ADGRG2: variants seen among roughly 807,000 people sequenced by gnomAD.
ADGRG2 encodes G protein-coupled receptor 64.
A neutral mutation model predicts 74.1 loss-of-function variants in ADGRG2; 26 were observed. The ratio of observed to expected loss-of-function variants is 0.35; its 90% CI spans 0.26 to 0.49. The LOEUF (loss-of-function observed/expected upper bound fraction) is 0.49. ADGRG2 is among the 20% of genes least tolerant of loss of function. The pLI is 0.99. For missense variants in ADGRG2, 619 were observed against 763.1 expected (o/e 0.81, Z 2.22); for synonymous variants, 296 against 295.2 (o/e 1.00, Z -0.03).
intron 15 of ADGRG2, among the ~76,000 whole-genome samples, chrX:19,016,961 T>A (rs2060484514): frequency 9.0e-6 from 1 of 110,603 alleles, no homozygotes; most frequent in Admixed American, 9.7e-5. Flanking sequence ...ACTCCTGGCC[T>A]CAAGCAATCC....
rs151092522 is a variant in ADGRG2 at position 18,999,193 on chromosome X, A to G, written c.2417T>C (p.Ile806Thr). The change falls in exon 26 of 29, where the codon ATT becomes ACT. Residue 806 changes from isoleucine (I) to threonine (T), a missense_variant. This residue lies in a region of ADGRG2 where 221 missense variants were observed against 340.6 expected (regional missense o/e 0.65). Coordinates refer to ENST00000379869, the MANE Select transcript of ADGRG2 (RefSeq NM_001079858.3). ...VIFLLNVSMFIVVLVQLCRIK... is the reference protein window; with the variant it reads ...VIFLLNVSMFTVVLVQLCRIK... ...TCGACAGAGCTGAACCAGGACCACA[A>G]TGAACATGCTGACGTTCAGCAAAAA... 5.0e-6 allele frequency: 6 copies of G among 1,206,269 alleles called. No homozygotes were observed. In the African/African-American group the frequency reaches 8.8e-5, roughly 18 times the overall value.
intron 1 of ADGRG2, among the ~76,000 whole-genome samples, chrX:19,113,371 A>G (rs1379795961): frequency 9.0e-6 from 1 of 111,342 alleles, no homozygotes; most frequent in Non-Finnish European, 1.9e-5. Context: ...CAATCAATCA[A>G]TCAATGCAAC....
intron 15 of ADGRG2, 50 bp downstream of exon 15, chrX:19,019,548 AT>A (rs372068061): frequency 0.19 from 82,927 of 435,023 alleles, 8 homozygotes; most frequent in East Asian, 0.23. Context: ...TAGCATGGTG[AT>A]TTTTTTTTTT....
At chrX:19,009,602 T>G in intron 18 of ADGRG2, 24 bp downstream of exon 18, 1 of 1,186,611 alleles carries the variant, frequency 8.4e-7, no homozygotes, top group Non-Finnish European at 1.1e-6. Flanking sequence ...AGAATGTTTT[T>G]TTCTGCCATC....
chrX:19,102,100 G>A (rs1459765021), intron 1 of ADGRG2, among the ~76,000 whole-genome samples: 3 of 107,163 alleles, frequency 2.8e-5, no homozygotes, highest in Non-Finnish European at 5.8e-5. Flanking sequence ...GCCGGGTGTG[G>A]TGGCTCACAC....
rs758570053 is a variant in ADGRG2, at chrX:19,068,704, A to G, written c.118+13T>C. 1.2e-5 allele frequency: 9 copies of G among 779,481 alleles called. No homozygotes were observed. The East Asian group carries it at 2.3e-4, about 20-fold the overall frequency. 64.2% of individuals were successfully genotyped at this position (779,481 alleles called of 1,213,427 possible). ...ACAGAAAAAAAAAAAATGAAGAAAA[A>G]CAGACACATTACCTTCCAGGGATGT... On this transcript the variant is annotated intron_variant, in intron 3 of 28. Coordinates refer to ENST00000379869, the MANE Select transcript of ADGRG2 (RefSeq NM_001079858.3).
chrX:19,052,803 C>A (rs2061346326), intron 3 of ADGRG2, among the ~76,000 whole-genome samples: 1 of 109,578 alleles, frequency 9.1e-6, no homozygotes, highest in Admixed American at 9.8e-5. Flanking sequence ...AATTCTCATG[C>A]CTCAGCCTCC....
chrX:19,078,696 C>T (rs556937283), intron 2 of ADGRG2, among the ~76,000 whole-genome samples: 2 of 108,396 alleles, frequency 1.8e-5, no homozygotes, highest in South Asian at 4.0e-4. Context: ...AAGAGAAAGG[C>T]TTAAAATTAA....
chrX:19,067,404 G>A (rs1273004203), intron 3 of ADGRG2, among the ~76,000 whole-genome samples: 1 of 112,351 alleles, frequency 8.9e-6, no homozygotes, highest in East Asian at 2.8e-4. Flanking sequence ...TAGCAAAAAG[G>A]CAGTCTTTTC....
chrX:19,080,214 G>A (rs2061824134), intron 2 of ADGRG2, among the ~76,000 whole-genome samples: 1 of 110,427 alleles, frequency 9.1e-6, no homozygotes, highest in South Asian at 3.9e-4. Context: ...CCGGCTGAGG[G>A]GTGTTCTGTT....
At chrX:19,075,290 G>T (rs1386590583) in intron 2 of ADGRG2, among the ~76,000 whole-genome samples, 3 of 109,749 alleles carry the variant, frequency 2.7e-5, no homozygotes, top group African/African-American at 9.9e-5. Context: ...CTGAAAAATT[G>T]TCAGAAATAC....
intron 3 of ADGRG2, 25 bp downstream of exon 3, chrX:19,068,692 A>T: frequency 1.4e-6 from 1 of 714,648 alleles, no homozygotes; most frequent in Non-Finnish European, 2.1e-6. Flanking sequence ...GAAAAAAAAA[A>T]AATGAAGAAA....
At chrX:19,044,669 C>G (rs1298389641) in intron 3 of ADGRG2, among the ~76,000 whole-genome samples, 1 of 111,055 alleles carries the variant, frequency 9.0e-6, no homozygotes, top group East Asian at 2.8e-4. Context: ...AGAGTCGAGT[C>G]TACAAACCAA....
At chrX:19,057,705 T>C (rs1337789047) in intron 3 of ADGRG2, among the ~76,000 whole-genome samples, 1 of 110,461 alleles carries the variant, frequency 9.1e-6, no homozygotes, top group African/African-American at 3.3e-5. Context: ...CTGGGAGTGG[T>C]GGTGCATGCC....
chrX:19,053,177 AT>A (rs1197071443), intron 3 of ADGRG2, among the ~76,000 whole-genome samples: 1 of 111,043 alleles, frequency 9.0e-6, no homozygotes, highest in Admixed American at 9.6e-5. Flanking sequence ...ACAGAACAAT[AT>A]TTTTTGTATA....
rs753812328 is a variant in ADGRG2 at position 19,010,635 on chromosome X, T to C, written c.1243A>G (p.Met415Val). Residue 415 changes from methionine to valine, a missense_variant, in exon 17 of 29, where the codon ATG (methionine) becomes GTG (valine). By Grantham distance (21) the Met-to-Val change is conservative (BLOSUM62 1). This residue lies in a region of ADGRG2 where 292 missense variants were observed against 318.0 expected (regional missense o/e 0.92). Coordinates refer to ENST00000379869, the MANE Select transcript of ADGRG2 (RefSeq NM_001079858.3). ...TACCTTTGAGCCAGAGGGGCCAGCA[T>C]GTCAGGCGGGGAATGAAGGAGTCTG... ...VSRLLHSPPD[M>V]LAPLAQRLLK... The C allele has an allele frequency of 1.1e-5, 13 of 1,208,763 alleles. No homozygotes were observed. In the South Asian group the frequency reaches 2.0e-4, roughly 18 times the overall value.
intron 4 of ADGRG2, among the ~76,000 whole-genome samples, chrX:19,038,281 G>A (rs1480124927): frequency 8.9e-6 from 1 of 111,871 alleles, no homozygotes; most frequent in Non-Finnish European, 1.9e-5. Flanking sequence ...CTAAACATGG[G>A]AAAAGCAAAC....
rs1418714582 is a variant in ADGRG2, at chrX:19,007,888, G to A, written c.1566+92C>T. The stretch of plus-strand genomic sequence containing the variant: ...CATTTCGGCAATTCATTTGACTTAC[G>A]GCAGCCTTAAGAATATTCGAGCACT... On this transcript the variant is annotated intron_variant, in intron 19 of 28. Coordinates refer to ENST00000379869, the MANE Select transcript of ADGRG2 (RefSeq NM_001079858.3). 9 of 753,319 alleles carry A rather than the reference G, an allele frequency of 1.2e-5. No individual in the cohort carries two copies. In the African/African-American group the frequency reaches 1.3e-4, roughly 11 times the overall value. The allele number at this position is 753,319 out of a possible 1,213,427, so 62.1% of individuals were successfully genotyped here.
intron 2 of ADGRG2, among the ~76,000 whole-genome samples, chrX:19,077,439 A>C (rs1156499070): frequency 9.5e-6 from 1 of 104,947 alleles, no homozygotes; most frequent in Admixed American, 1.0e-4. Context: ...GCTAGAACCC[A>C]GGAGGCAGAG....
Sources: allele counts gnomAD v4.1 joint callset (sites outside exome capture counted in the v4.1 genomes callset), GRCh38; gene constraint gnomAD v4.1.1; regional missense constraint gnomAD v4.1.1; transcripts MANE v1.5; gene names NCBI Gene and HGNC (gene_info 2026-07-23, HGNC 2026-07-21).